The following ST18 variants were observed in gnomAD, a reference collection of about 807,000 sequenced individuals.
The protein encoded by ST18 is suppression of tumorigenicity 18 protein.
A neutral mutation model predicts 110.0 loss-of-function variants in ST18; 50 were observed. That is an observed-to-expected ratio of 0.45 (90% CI 0.36 to 0.58). The LOEUF is 0.58. Ranked by LOEUF, ST18 falls within the 20% of genes least tolerant of loss-of-function variation. The probability of loss-of-function intolerance (pLI) is 0.00; values close to 1 mark genes in which losing one functional copy is unlikely to be tolerated. For missense variants in ST18, 1,306 were observed against 1,280.1 expected (o/e 1.02, Z -0.31); for synonymous variants, 461 against 452.4 (o/e 1.02, Z -0.24).
chr8:52,330,578 A>G (rs1023379334), intron 2 of ST18, among the ~76,000 whole-genome samples: 2 of 152,264 alleles, frequency 1.3e-5, no homozygotes, highest in African/African-American at 4.8e-5. Context: ...GTCATTCTCT[A>G]TCGTAAGTCA....
chr8:52,125,820 C>T lies in ST18; in HGVS notation c.2755+232G>A. On this transcript the variant is annotated intron_variant, in intron 23 of 25. Transcript: ENST00000689386. Reference sequence around the variant, plus strand: ...CAAGTGTATCTTAATCCATCATACCCCACTGCCTGACTTTCTCTGTTGGAG... The same window carrying T: ...CAAGTGTATCTTAATCCATCATACCTCACTGCCTGACTTTCTCTGTTGGAG... The T allele has an allele frequency of 7.9e-6, 4 of 503,220 alleles. No individual in the cohort carries two copies. The South Asian group carries it at 1.2e-4, about 15-fold the overall frequency. 31.2% of individuals were successfully genotyped at this position (503,220 alleles called of 1,614,324 possible).
intron 2 of ST18, among the ~76,000 whole-genome samples, chr8:52,241,869 TCTTC>T (rs898935223): frequency 2.0e-5 from 3 of 152,102 alleles, no homozygotes; most frequent in East Asian, 1.9e-4. Flanking sequence ...TAATTGAAAC[TCTTC>T]CTTCCTTTTT....
At chr8:52,357,676 AAT>A (rs71252934) in intron 2 of ST18, among the ~76,000 whole-genome samples, 1,578 of 37,816 alleles carry the variant, frequency 0.042, 9 homozygotes, top group Non-Finnish European at 0.051. Context: ...AAAATCTATA[AAT>A]ATATATATAT....
At position 52,172,120 on chromosome 8, in the gene ST18, C is replaced by G; in HGVS notation, c.741G>C (p.Glu247Asp). 1 of 1,614,212 alleles carries G rather than the reference C, an allele frequency of 6.2e-7. No individual in the cohort carries two copies. The highest frequency in any genetic ancestry group is 8.5e-7 in the Non-Finnish European group (1 of 1,180,036). The change falls in exon 10 of 26, where the codon GAG becomes GAC. Residue 247 changes from glutamate to aspartate, a missense_variant. Coordinates refer to ENST00000689386, the MANE Select transcript of ST18 (RefSeq NM_001352837.2). ...TTTCTGTTTCAGAATCACACCTGTT[C>G]TCACAAGGGATAAATTTGTCACCTT... ...KTEGDKFIPCENRCDSETERK... is the reference protein window; with the variant it reads ...KTEGDKFIPCDNRCDSETERK...
At chr8:52,148,795 T>A (rs2058068272) in intron 16 of ST18, among the ~76,000 whole-genome samples, 1 of 152,228 alleles carries the variant, frequency 6.6e-6, no homozygotes, top group Middle Eastern at 3.4e-3. Flanking sequence ...TACGTTGACT[T>A]ATACTTTGAG....
chr8:52,192,464 C>T (rs996977777), intron 8 of ST18, among the ~76,000 whole-genome samples: 1 of 152,188 alleles, frequency 6.6e-6, no homozygotes, highest in Admixed American at 6.5e-5. Context: ...CATGGAAATA[C>T]AATCATAAGA....
chr8:52,294,080 C>G (rs923602934), intron 2 of ST18, among the ~76,000 whole-genome samples: 1 of 152,208 alleles, frequency 6.6e-6, no homozygotes, highest in Admixed American at 6.5e-5. Flanking sequence ...GTCCAGGGCA[C>G]AGTTTATCTG....
intron 2 of ST18, among the ~76,000 whole-genome samples, chr8:52,326,481 T>C (rs1317579127): frequency 1.3e-5 from 2 of 152,176 alleles, no homozygotes; most frequent in Admixed American, 6.5e-5. Flanking sequence ...GAAAGATGCA[T>C]AGTAATGAAG....
At position 52,113,315 on chromosome 8, in the gene ST18, A is replaced by T. The variant is rs375341793; in HGVS notation, c.3027T>A (p.Phe1009Leu). The T allele has an allele frequency of 1.4e-5, 22 of 1,613,852 alleles. No homozygotes were observed. The highest frequency in any genetic ancestry group is 1.8e-5 in the Non-Finnish European group (21 of 1,179,910). ...CTGTGAGTGTATTTACATATGCTTCAAAATTCTGCTCACTGATAGGTCCCT... is the reference window on the plus strand; with the variant it reads ...CTGTGAGTGTATTTACATATGCTTCTAAATTCTGCTCACTGATAGGTCCCT... Reference protein sequence around the residue: ...PQMGPISEQNFEAYVNTLTDM... With the variant: ...PQMGPISEQNLEAYVNTLTDM... The change falls in exon 26 of 26, where the codon TTT becomes TTA. Residue 1009 changes from phenylalanine to leucine, a missense_variant. Phe to Leu is a conservative substitution (Grantham distance 22, BLOSUM62 0). Coordinates refer to ENST00000689386, the MANE Select transcript of ST18 (RefSeq NM_001352837.2).
At chr8:52,130,809 A>G (rs959117828) in intron 22 of ST18, among the ~76,000 whole-genome samples, 3 of 152,238 alleles carry the variant, frequency 2.0e-5, no homozygotes, top group Non-Finnish European at 4.4e-5. Flanking sequence ...TGCTCACCAC[A>G]GTACAGCATT....
rs998905932 is a variant in ST18 at position 52,155,077 on chromosome 8, C to T, written c.1806+3821G>A. Among the ~76,000 whole-genome samples the T allele has an allele frequency of 3.3e-5, 5 of 151,514 alleles. No individual in the cohort carries two copies. The East Asian group carries it at 5.8e-4, about 18-fold the overall frequency. Reference sequence around the variant, plus strand: ...ATTAGCCGGGTGTGCTGGCGCACGCCGGTAGTCCCAGCTGCTTGGGAGGCT... The same window carrying T: ...ATTAGCCGGGTGTGCTGGCGCACGCTGGTAGTCCCAGCTGCTTGGGAGGCT... On this transcript the variant is annotated intron_variant, in intron 15 of 25. Transcript: ENST00000689386.
chr8:52,285,739 G>A (rs1207526946), intron 2 of ST18, among the ~76,000 whole-genome samples: 1 of 152,142 alleles, frequency 6.6e-6, no homozygotes, highest in Non-Finnish European at 1.5e-5. Context: ...AACTTCCTTG[G>A]AATATATCCA....
At chr8:52,309,207 C>G (rs779995424) in intron 2 of ST18, among the ~76,000 whole-genome samples, 2 of 152,108 alleles carry the variant, frequency 1.3e-5, no homozygotes, top group African/African-American at 4.8e-5. Context: ...ATTATGAGTT[C>G]CTGTTAATGA....
At chr8:52,201,865 C>T (rs1157918171) in intron 8 of ST18, among the ~76,000 whole-genome samples, 1 of 152,176 alleles carries the variant, frequency 6.6e-6, no homozygotes, top group East Asian at 1.9e-4. Context: ...TTGAAAATGA[C>T]CAAATGAGAC....
chr8:52,185,828 A>ATATT lies in ST18; in HGVS notation c.87-5520_87-5517dup, dbSNP rs370262723. ...TAAAACTTCTAGAAGAAAATGTGAG[A>ATATT]TATTACCTTCAAAATGTGAGATAAT... On this transcript the variant is annotated intron_variant, in intron 8 of 25. Coordinates refer to ENST00000689386, the MANE Select transcript of ST18 (RefSeq NM_001352837.2). Among the ~76,000 whole-genome samples, 1,127 of 152,124 alleles carry ATATT rather than the reference A, an allele frequency of 7.4e-3. 21 individuals are homozygous for ATATT. The highest frequency in any genetic ancestry group is 0.026 in the African/African-American group (1,061 of 41,546).
intron 2 of ST18, among the ~76,000 whole-genome samples, chr8:52,316,153 A>C (rs1315881137): frequency 2.0e-5 from 3 of 152,214 alleles, no homozygotes; most frequent in Non-Finnish European, 4.4e-5. Flanking sequence ...TCTAATTAGA[A>C]TCTCACAGTG....
chr8:52,195,240 C>T (rs1413845251), intron 8 of ST18, among the ~76,000 whole-genome samples: 2 of 152,056 alleles, frequency 1.3e-5, no homozygotes, highest in African/African-American at 4.8e-5. Flanking sequence ...AAGAGATGAA[C>T]ATTATGTGGA....
intron 2 of ST18, among the ~76,000 whole-genome samples, chr8:52,339,593 G>A (rs1273660041): frequency 6.6e-6 from 1 of 152,208 alleles, no homozygotes. Context: ...GATGGCTTCT[G>A]CCCTGTGTAC....
chr8:52,326,063 A>C (rs1589928599), intron 2 of ST18, among the ~76,000 whole-genome samples: 1 of 152,238 alleles, frequency 6.6e-6, no homozygotes, highest in South Asian at 2.1e-4. Flanking sequence ...GTTAACTACA[A>C]GTTATAGGTA....
Sources: gnomAD v4.1 joint callset for allele counts (sites outside exome capture counted in the v4.1 genomes callset) on GRCh38, gnomAD v4.1.1 for gene constraint, MANE v1.5 for transcripts, NCBI Gene and HGNC (gene_info 2026-07-23, HGNC 2026-07-21) for gene names.